The following KASH5 variants were observed in gnomAD, a reference collection of about 807,000 sequenced individuals.
The protein encoded by KASH5 is protein KASH5.
In KASH5, 72 loss-of-function variants were observed where a neutral mutation model predicts 84.2. The observed-to-expected ratio is 0.85, with a 90% CI of 0.71 to 1.04. The LOEUF (loss-of-function observed/expected upper bound fraction) is 1.04, where lower values mean the gene tolerates loss of function less well. Among genes scored for constraint, KASH5 ranks in the 50% least tolerant of loss-of-function variants. KASH5 has a pLI of 0.00. For missense variants in KASH5, 650 were observed against 701.0 expected (o/e 0.93, Z 0.82); for synonymous variants, 260 against 279.1 (o/e 0.93, Z 0.68).
chr19:49,406,051 C>T (rs1333716743), intron 9 of KASH5, among the ~76,000 whole-genome samples: 1 of 150,274 alleles, frequency 6.7e-6, no homozygotes. Context: ...TCACTTGAAC[C>T]CAGAAGGCAA....
Position 49,388,635 on chromosome 19 carries a change from T to C in KASH5, c.-96+308T>C, listed in dbSNP as rs1973888488. 3.4e-5 allele frequency among the ~76,000 whole-genome samples: 5 copies of C among 148,464 alleles called. No individual in the cohort carries two copies. In the South Asian group the frequency reaches 1.1e-3, roughly 31 times the overall value. ...TGAACCTGGAAGGCAGAGGTTGCAG[T>C]GAGCTGAGATCGCGCCACTGCACTC... On this transcript the variant is annotated intron_variant, in intron 1 of 19. Transcript: ENST00000447857.
Position 49,399,513 on chromosome 19 carries a change from C to T in KASH5, c.798+6C>T, listed in dbSNP as rs1157335465. 20 of 1,605,144 alleles carry T rather than the reference C, an allele frequency of 1.2e-5. No homozygotes were observed. Among genetic ancestry groups the T allele is most frequent in the Non-Finnish European group, 1.5e-5 (18 of 1,175,986 alleles). ...TGGAGACTCTGCAGGAGGAGGTGAG[C>T]GGAGGCCCAGCACCACCCCCACCCC... On this transcript the variant is annotated splice_donor_region_variant and intron_variant, in intron 9 of 19. Coordinates refer to ENST00000447857, the MANE Select transcript of KASH5 (RefSeq NM_144688.5). The surrounding 1 kb of genome is among the most constrained non-coding windows in gnomAD (Gnocchi z 4.4).
intron 15 of KASH5, among the ~76,000 whole-genome samples, chr19:49,411,459 G>C (rs1974706050): frequency 6.6e-6 from 1 of 152,142 alleles, no homozygotes. Context: ...ATCTCTGTAA[G>C]GCAGGCATCC....
In KASH5 at chr19:49,399,446, G is replaced by T. The variant is rs1735142812; in HGVS notation, c.748-11G>T. On this transcript the variant is annotated splice_polypyrimidine_tract_variant and intron_variant, in intron 8 of 19. Transcript: ENST00000447857. The surrounding 1 kb of genome is among the most constrained non-coding windows in gnomAD (Gnocchi z 4.4). ...AAATGAAACCTTTGTCCTCTCTCTG[G>T]GGTTGGTCAGGAAAAGGAGCAGCAG... The T allele has an allele frequency of 6.2e-7, 1 of 1,609,612 alleles. No homozygotes were observed. The highest frequency in any genetic ancestry group is 1.1e-5 in the South Asian group (1 of 89,940).
At chr19:49,409,561 C>A (rs1974645419) in intron 14 of KASH5, among the ~76,000 whole-genome samples, 192 bp from the exon 15 acceptor site, 1 of 152,168 alleles carries the variant, frequency 6.6e-6, no homozygotes, top group African/African-American at 2.4e-5. Flanking sequence ...TCATCTCGAA[C>A]CTAGACCTTG....
chr19:49,401,766 T>C (rs1974367326), intron 9 of KASH5, among the ~76,000 whole-genome samples: 1 of 152,166 alleles, frequency 6.6e-6, no homozygotes, highest in Non-Finnish European at 1.5e-5. Flanking sequence ...CCAAAAAATA[T>C]CTTTGTCCTA....
chr19:49,409,680 C>G, intron 14 of KASH5, 73 bp from the exon 15 acceptor site: 1 of 1,594,700 alleles, frequency 6.3e-7, no homozygotes, highest in East Asian at 2.2e-5. Context: ...ACACCTAAAC[C>G]TATTTCTATC....
chr19:49,408,179 G>A (rs1284743442), intron 12 of KASH5: 2 of 175,094 alleles, frequency 1.1e-5, no homozygotes, highest in Non-Finnish European at 2.5e-5. Context: ...CTCCCAAAGT[G>A]CTGGGATTAC....
At position 49,395,008 on chromosome 19, in the gene KASH5, C is replaced by G; in HGVS notation, c.149-98C>G. 1.1e-6 allele frequency: 1 copy of G among 950,970 alleles called. No individual in the cohort carries two copies. Among genetic ancestry groups the G allele is most frequent in the Non-Finnish European group, 1.5e-6 (1 of 655,740 alleles). The allele number at this position is 950,970 out of a possible 1,614,324, so 58.9% of individuals were successfully genotyped here. Reference sequence around the variant, plus strand: ...ACTGGGCCATGGAGCAGGAGTGCCACCAGCCTAGCCAGTGACATCCTGGTC... The same window carrying G: ...ACTGGGCCATGGAGCAGGAGTGCCAGCAGCCTAGCCAGTGACATCCTGGTC... On this transcript the variant is annotated intron_variant, in intron 3 of 19. Transcript: ENST00000447857. This position sits in a 1 kb window ranked among gnomAD's most constrained non-coding sequence, Gnocchi z 4.4.
At chr19:49,391,742 C>T (rs1428019035) in intron 2 of KASH5, 1 of 152,200 alleles carries the variant, frequency 6.6e-6, no homozygotes, top group East Asian at 1.9e-4. Context: ...ACTCCTGACT[C>T]ACTGTGGGAG....
rs1304490547 is a variant in KASH5, at chr19:49,417,036, G to A, written c.1396G>A (p.Gly466Arg). The change falls in exon 18 of 20, where the codon GGA (glycine) becomes AGA (arginine). Residue 466 changes from glycine (G) to arginine (R), a missense_variant. Coordinates refer to ENST00000447857, the MANE Select transcript of KASH5 (RefSeq NM_144688.5). The surrounding 1 kb of genome is among the most constrained non-coding windows in gnomAD (Gnocchi z 5.2). The part of the protein sequence containing the change: ...QVTADLPVPL[G>R]APRPGDIPEN... ...GCAGGCTGATCTCCCTGTCCCTCTA[G>A]GAGCCCCTCGCCCTGGAGACATCCC... is the stretch of plus-strand genomic sequence containing the variant. 3 of 1,592,774 alleles carry A rather than the reference G, an allele frequency of 1.9e-6. No individual in the cohort carries two copies. The highest frequency in any genetic ancestry group is 2.3e-5 in the East Asian group (1 of 43,864).
intron 10 of KASH5, 134 bp downstream of exon 10, chr19:49,407,097 C>A: frequency 7.9e-7 from 1 of 1,268,312 alleles, no homozygotes; most frequent in Non-Finnish European, 1.1e-6. Context: ...ACCACCCAGG[C>A]ATCCCTAAAA....
chr19:49,413,092 G>A, intron 16 of KASH5, 66 bp downstream of exon 16: 1 of 1,477,650 alleles, frequency 6.8e-7, no homozygotes, highest in Non-Finnish European at 9.4e-7. Flanking sequence ...ACAGTAGGAG[G>A]ACTGGATGTG....
At chr19:49,408,923 G>A (rs919684094) in intron 12 of KASH5, 44 bp from the exon 13 acceptor site, 2 of 1,552,394 alleles carry the variant, frequency 1.3e-6, no homozygotes, top group African/African-American at 2.7e-5. Flanking sequence ...GGGAGGGTGG[G>A]AAAAATGCAG....
At chr19:49,389,941 A>T (rs1413940195) in intron 1 of KASH5, 1 of 153,074 alleles carries the variant, frequency 6.5e-6, no homozygotes, top group South Asian at 2.1e-4. Flanking sequence ...CCAGGGGAGC[A>T]GCAGGTTTGG....
chr19:49,390,963 G>A (rs745731795), intron 2 of KASH5, 37 bp downstream of exon 2: 5 of 1,601,650 alleles, frequency 3.1e-6, no homozygotes, highest in South Asian at 2.2e-5. Flanking sequence ...CGGGGAGGGT[G>A]AGGAGGGAGC....
intron 9 of KASH5, among the ~76,000 whole-genome samples, chr19:49,403,267 G>A (rs981977360): frequency 3.3e-5 from 5 of 152,320 alleles, no homozygotes; most frequent in African/African-American, 9.6e-5. Context: ...CAGCTACTCT[G>A]GAGGCTGAGG....
intron 9 of KASH5, among the ~76,000 whole-genome samples, chr19:49,402,444 C>T (rs776945245): frequency 2.0e-4 from 30 of 151,992 alleles, no homozygotes; most frequent in Non-Finnish European, 3.2e-4. Flanking sequence ...CAGTGGCTCA[C>T]GCTTGTAATC....
At chr19:49,392,293 C>G (rs7246233) in intron 2 of KASH5, among the ~76,000 whole-genome samples, 79,693 of 151,708 alleles carry the variant, frequency 0.53, 21,151 homozygotes, top group South Asian at 0.63. Context: ...CGGGGACAAG[C>G]GACATGGAGG....
Sources: gnomAD v4.1 joint callset for allele counts (sites outside exome capture counted in the v4.1 genomes callset) on GRCh38, gnomAD v4.1.1 for gene constraint, Gnocchi (gnomAD v3.1) non-coding constraint, MANE v1.5 for transcripts, NCBI Gene and HGNC (gene_info 2026-07-23, HGNC 2026-07-21) for gene names.